TRAM2: variants seen among roughly 807,000 people sequenced by gnomAD.
TRAM2 encodes the protein translocating chain-associated membrane protein 2.
A neutral mutation model predicts 51.0 loss-of-function variants in TRAM2; 12 were observed. The observed-to-expected ratio is 0.24, with a 90% CI of 0.15 to 0.38. The LOEUF is 0.38. Among genes scored for constraint, TRAM2 ranks in the 10% least tolerant of loss-of-function variants. The pLI, the probability that TRAM2 is intolerant of heterozygous loss-of-function variation, is 1.00. For synonymous variants in TRAM2, 175 were observed against 179.4 expected (o/e 0.98, Z 0.20); for missense variants, 361 against 462.0 (o/e 0.78, Z 2.00).
At chr6:52,528,388 G>C (rs947440266) in intron 2 of TRAM2, among the ~76,000 whole-genome samples, 1 of 151,774 alleles carries the variant, frequency 6.6e-6, no homozygotes, top group Non-Finnish European at 1.5e-5. Context: ...TTCCTTTCTT[G>C]ACCCCCATGA....
chr6:52,559,496 A>C (rs780007189), intron 1 of TRAM2, among the ~76,000 whole-genome samples: 14 of 152,188 alleles, frequency 9.2e-5, no homozygotes, highest in Non-Finnish European at 1.5e-4. Flanking sequence ...CTCATCTGTA[A>C]AAAGGGAGGC....
chr6:52,517,028 G>A, intron 2 of TRAM2: 1 of 350,796 alleles, frequency 2.9e-6, no homozygotes, highest in Non-Finnish European at 5.3e-6. Context: ...GCCAGGGTTA[G>A]AGACCACCAA....
chr6:52,511,932 G>A (rs1390667600), intron 4 of TRAM2, among the ~76,000 whole-genome samples: 2 of 152,150 alleles, frequency 1.3e-5, no homozygotes, highest in Non-Finnish European at 2.9e-5. Flanking sequence ...GAATAAAAGT[G>A]GATGAGGCTC....
rs1766167239 is a variant in TRAM2, at chr6:52,499,712, G to T, written c.*3485C>A. 1 of 152,360 alleles carries T rather than the reference G, an allele frequency of 6.6e-6. No homozygotes were observed. The highest frequency in any genetic ancestry group is 3.4e-3 in the Middle Eastern group (1 of 296). The allele number at this position is 152,360 out of a possible 1,614,324, so 9.4% of individuals were successfully genotyped here. A position where few individuals can be genotyped will look rare whatever the true frequency, so the allele number is the denominator to read the frequency against. ...TCCCAGGGTTTCCGGTCAAGAGAAGGATCTGTGAACGTGGCCAGGGCAGAG... is the reference window on the plus strand; with the variant it reads ...TCCCAGGGTTTCCGGTCAAGAGAAGTATCTGTGAACGTGGCCAGGGCAGAG... On this transcript the variant is annotated 3_prime_UTR_variant, in exon 11 of 11. Coordinates refer to ENST00000182527, the MANE Select transcript of TRAM2 (RefSeq NM_012288.4).
At chr6:52,553,681 G>A (rs936770865) in intron 1 of TRAM2, among the ~76,000 whole-genome samples, 1 of 152,166 alleles carries the variant, frequency 6.6e-6, no homozygotes, top group Non-Finnish European at 1.5e-5. Flanking sequence ...CCAGATTTTG[G>A]ATTCAGAAAG....
chr6:52,525,753 A>G (rs547591788), intron 2 of TRAM2, among the ~76,000 whole-genome samples: 213 of 152,322 alleles, frequency 1.4e-3, no homozygotes, highest in African/African-American at 5.0e-3. Flanking sequence ...GGTTGCAGTG[A>G]GCCGAGATTG....
intron 1 of TRAM2, among the ~76,000 whole-genome samples, chr6:52,539,107 C>A (rs1407013694): frequency 6.6e-6 from 1 of 152,230 alleles, no homozygotes; most frequent in Non-Finnish European, 1.5e-5. Context: ...CCATGAGGCA[C>A]ATCATAGTCA....
chr6:52,539,412 G>A (rs766381793), intron 1 of TRAM2, among the ~76,000 whole-genome samples: 1 of 151,988 alleles, frequency 6.6e-6, no homozygotes, highest in Non-Finnish European at 1.5e-5. Context: ...GCAAGTAAGC[G>A]AATTTGCAAA....
At position 52,535,861 on chromosome 6, in the gene TRAM2, A is replaced by G. The variant is rs781314815; in HGVS notation, c.121-15T>C. On this transcript the variant is annotated splice_polypyrimidine_tract_variant and intron_variant, in intron 1 of 10. Coordinates refer to ENST00000182527, the MANE Select transcript of TRAM2 (RefSeq NM_012288.4). ...TTGGCTGTGACCTGTAAAACAAAGG[A>G]AAAGAGTTCCAGTTTAGCTTTTGGC... 2.2e-5 allele frequency: 35 copies of G among 1,611,238 alleles called. No homozygotes were observed. Among genetic ancestry groups the G allele is most frequent in the Non-Finnish European group, 3.0e-5 (35 of 1,178,338 alleles).
At position 52,576,844 on chromosome 6, in the gene TRAM2, G is replaced by C. The variant is rs780770976; in HGVS notation, c.72C>G (p.Asp24Glu). The change falls in exon 1 of 11, where the codon GAC (aspartate) becomes GAG (glutamate). Residue 24 changes from aspartate to glutamate, a missense_variant. Physicochemically the swap from Asp to Glu is conservative, Grantham distance 45. Coordinates refer to ENST00000182527, the MANE Select transcript of TRAM2 (RefSeq NM_012288.4). ...SQEFVIHNHA[D>E]IGFCLVLCVL... is the part of the protein sequence containing the mutation. The stretch of plus-strand genomic sequence containing the variant: ...CGCAGAGCACCAGGCAGAAGCCGAT[G>C]TCCGCATGGTTGTGGATGACGAACT... The C allele has an allele frequency of 1.2e-6, 2 of 1,613,950 alleles. No homozygotes were observed. Among genetic ancestry groups the C allele is most frequent in the Non-Finnish European group, 1.7e-6 (2 of 1,179,880 alleles).
chr6:52,497,606 G>A lies in TRAM2; in HGVS notation c.*5591C>T, dbSNP rs572624210. The A allele has an allele frequency of 5.3e-5, 8 of 150,718 alleles. No homozygotes were observed. The highest frequency in any genetic ancestry group is 4.2e-4 in the South Asian group (2 of 4,778). 9.3% of individuals were successfully genotyped at this position (150,718 alleles called of 1,614,324 possible). ...CTTTTTTACATGAAAGCATAAATAC[G>A]GCAGGTACAAATTTTCCTTGAGTTC... On this transcript the variant is annotated 3_prime_UTR_variant, in exon 11 of 11. Coordinates refer to ENST00000182527, the MANE Select transcript of TRAM2 (RefSeq NM_012288.4).
intron 7 of TRAM2, 54 bp from the exon 8 acceptor site, chr6:52,506,190 G>A: frequency 1.3e-6 from 2 of 1,525,866 alleles, no homozygotes; most frequent in South Asian, 1.1e-5. Context: ...GCGTGGAGCA[G>A]AAGCCATTGC....
At chr6:52,532,989 A>ACCTAT (rs1766917775) in intron 2 of TRAM2, among the ~76,000 whole-genome samples, 1 of 151,876 alleles carries the variant, frequency 6.6e-6, no homozygotes, top group Non-Finnish European at 1.5e-5. Flanking sequence ...AATTTTAACT[A>ACCTAT]GTCACAAAAG....
chr6:52,511,324 C>CA (rs1348711019), intron 4 of TRAM2, among the ~76,000 whole-genome samples: 8 of 152,182 alleles, frequency 5.3e-5, no homozygotes, highest in African/African-American at 1.9e-4. Context: ...AGGCTGGTCT[C>CA]AAACTCCTGA....
At chr6:52,504,881 C>T (rs1766317377) in intron 9 of TRAM2, 127 bp from the exon 10 acceptor site, 9 of 781,888 alleles carry the variant, frequency 1.2e-5, no homozygotes, top group African/African-American at 1.7e-5. Context: ...GCCTTCACCA[C>T]TGGCCCTCTT....
chr6:52,526,538 C>G (rs566085427), intron 2 of TRAM2, among the ~76,000 whole-genome samples: 1 of 152,072 alleles, frequency 6.6e-6, no homozygotes, highest in Non-Finnish European at 1.5e-5. Flanking sequence ...AGGTGTGCCC[C>G]ACCACACCCA....
In TRAM2 at chr6:52,502,161, T is replaced by TA. The variant is rs1766243280; in HGVS notation, c.*1035dup. 2 of 152,202 alleles carry TA rather than the reference T, an allele frequency of 1.3e-5. No homozygotes were observed. The highest frequency in any genetic ancestry group is 1.9e-4 in the East Asian group (1 of 5,198). The allele number at this position is 152,202 out of a possible 1,614,324, so 9.4% of individuals were successfully genotyped here. On this transcript the variant is annotated 3_prime_UTR_variant, in exon 11 of 11. Transcript: ENST00000182527. ...GCATGGGGCTGAAGCCCTTGAGACT[T>TA]AGTGTTTCTGCAGCTAGAGATGAAG...
At chr6:52,567,932 T>G (rs1313172938) in intron 1 of TRAM2, among the ~76,000 whole-genome samples, 2 of 152,216 alleles carry the variant, frequency 1.3e-5, no homozygotes, top group African/African-American at 4.8e-5. Context: ...TCTATAGGAT[T>G]GGGGAAAGGT....
chr6:52,536,967 C>T (rs762096895), intron 1 of TRAM2, among the ~76,000 whole-genome samples: 1 of 152,154 alleles, frequency 6.6e-6, no homozygotes, highest in Non-Finnish European at 1.5e-5. Context: ...GTGGCAAAGG[C>T]AGCATGGAAA....
Sources: gnomAD v4.1 joint callset for allele counts (sites outside exome capture counted in the v4.1 genomes callset) on GRCh38, gnomAD v4.1.1 for gene constraint, MANE v1.5 for transcripts, NCBI Gene and HGNC (gene_info 2026-07-23, HGNC 2026-07-21) for gene names.